Variants in DFFA observed in about 807,000 individuals in gnomAD.
DFFA encodes the protein DFF45.
DFFA carries 14 observed loss-of-function variants against 28.0 expected under a neutral mutation model. The observed-to-expected ratio is 0.50, with a 90% CI of 0.33 to 0.78. DFFA has a LOEUF of 0.78. Ranked by LOEUF, DFFA falls within the 30% of genes least tolerant of loss-of-function variation. DFFA has a pLI of 0.02. For missense variants in DFFA, 395 were observed against 407.1 expected, an observed-to-expected ratio of 0.97 and a Z score of 0.26; for synonymous variants, 158 against 170.3, an observed-to-expected ratio of 0.93 and a Z score of 0.56.
rs563729328 is a variant in DFFA at position 10,471,801 on chromosome 1, A to G, written c.136+522T>C. On this transcript the variant is annotated intron_variant, in intron 1 of 5. Coordinates refer to ENST00000377038, the MANE Select transcript of DFFA (RefSeq NM_004401.3). ...TGAGAGCTGGTTAAGTGCAAGGCCA[A>G]GCAGCTGGTAAAGGTATGGGGCCGG... Among the ~76,000 whole-genome samples, 4 of 152,336 alleles carry G rather than the reference A, an allele frequency of 2.6e-5. No individual in the cohort carries two copies. In the East Asian group the frequency reaches 7.7e-4, roughly 29 times the overall value.
In DFFA at chr1:10,472,050, G is replaced by A. The variant is rs1254146072; in HGVS notation, c.136+273C>T. Among the ~76,000 whole-genome samples the A allele has an allele frequency of 6.6e-6, 1 of 152,150 alleles. No individual in the cohort carries two copies. Among genetic ancestry groups the A allele is most frequent in the Non-Finnish European group, 1.5e-5 (1 of 68,040 alleles). On this transcript the variant is annotated intron_variant, in intron 1 of 5. Transcript: ENST00000377038. This position sits in a 1 kb window ranked among gnomAD's most constrained non-coding sequence, Gnocchi z 5.0. The stretch of plus-strand genomic sequence containing the variant: ...GGTCCGTTTGGTCCAACATCGAAGT[G>A]ATTTCAGGCAAGAGACCTAAGCCGA...
In DFFA at chr1:10,472,212, C is replaced by T. The variant is rs1641108035; in HGVS notation, c.136+111G>A. 1 of 1,351,462 alleles carries T rather than the reference C, an allele frequency of 7.4e-7. No homozygotes were observed. The allele number at this position is 1,351,462 out of a possible 1,614,324, so 83.7% of individuals were successfully genotyped here. A position where few individuals can be genotyped will look rare whatever the true frequency, so the allele number is the denominator to read the frequency against. ...GGACCGTTTCTGTCCCAAGCCTCCA[C>T]CCGAGATACAAGAATCCCCAAGTCG... On this transcript the variant is annotated intron_variant, in intron 1 of 5. Transcript: ENST00000377038. This position sits in a 1 kb window ranked among gnomAD's most constrained non-coding sequence, Gnocchi z 5.0.
In DFFA at chr1:10,459,267, T is replaced by G. The variant is rs886152596; in HGVS notation, c.*2223A>C. The G allele has an allele frequency of 6.6e-6, 1 of 152,226 alleles. No individual in the cohort carries two copies. The highest frequency in any genetic ancestry group is 1.5e-5 in the Non-Finnish European group (1 of 68,062). 9.4% of individuals were successfully genotyped at this position (152,226 alleles called of 1,614,324 possible). A position where few individuals can be genotyped will look rare whatever the true frequency, so the allele number is the denominator to read the frequency against. On this transcript the variant is annotated 3_prime_UTR_variant, in exon 6 of 6. Coordinates refer to ENST00000377038, the MANE Select transcript of DFFA (RefSeq NM_004401.3). Reference sequence around the variant, plus strand: ...ATAAGTCCATGATGACTCATCACCTTTTCCCTGCAAGGAGTGTACTGTAGA... The same window carrying G: ...ATAAGTCCATGATGACTCATCACCTGTTCCCTGCAAGGAGTGTACTGTAGA...
At position 10,458,436 on chromosome 1, in the gene DFFA, G is replaced by C. The variant is rs965830584; in HGVS notation, c.*3054C>G. On this transcript the variant is annotated 3_prime_UTR_variant, in exon 6 of 6. Transcript: ENST00000377038. ...ATTAGTAAAAGGATGCTGAGTAGAAGATCTAAGCCCTTCTTGAATCACAGG... is the reference window on the plus strand; with the variant it reads ...ATTAGTAAAAGGATGCTGAGTAGAACATCTAAGCCCTTCTTGAATCACAGG... 1 of 151,912 alleles carries C rather than the reference G, an allele frequency of 6.6e-6. No homozygotes were observed. The highest frequency in any genetic ancestry group is 1.5e-5 in the Non-Finnish European group (1 of 68,012). The allele number at this position is 151,912 out of a possible 1,614,324, so 9.4% of individuals were successfully genotyped here.
At chr1:10,462,303 T>G (rs918527013) in intron 5 of DFFA, 30 of 403,368 alleles carry the variant, frequency 7.4e-5, no homozygotes, top group African/African-American at 6.5e-4. Flanking sequence ...GGCTAATTTT[T>G]GTATTTTTAG....
At chr1:10,470,829 C>T (rs1198329946) in intron 1 of DFFA, among the ~76,000 whole-genome samples, 5 of 149,304 alleles carry the variant, frequency 3.3e-5, no homozygotes, top group South Asian at 4.2e-4. Flanking sequence ...TTTGGGAGGC[C>T]GAGGCGGGTG....
intron 5 of DFFA, 45 bp downstream of exon 5, chr1:10,463,013 G>A: frequency 6.2e-7 from 1 of 1,611,806 alleles, no homozygotes. Context: ...CTACATCCCA[G>A]GGCATGTCCT....
rs755323383 is a variant in DFFA at position 10,461,606 on chromosome 1, C to T, written c.880G>A (p.Ala294Thr). Residue 294 changes from alanine (A) to threonine (T), a missense_variant, in exon 6 of 6, where the codon GCC becomes ACC. Ala to Thr is a moderately conservative substitution (Grantham distance 58). Transcript: ENST00000377038. ...CTCTGCGTCTGCTGCAGGCGCAGGG[C>T]GAGCTCCCGCTCACAGGCCTCCTGA... ...TVQEACEREL[A>T]LRLQQTQSLH... 5.9e-5 allele frequency: 95 copies of T among 1,614,110 alleles called. No homozygotes were observed. The highest frequency in any genetic ancestry group is 1.8e-4 in the South Asian group (16 of 91,094).
At chr1:10,468,895 T>A (rs1174895436) in intron 2 of DFFA, among the ~76,000 whole-genome samples, 3 of 152,124 alleles carry the variant, frequency 2.0e-5, no homozygotes, top group Non-Finnish European at 1.5e-5. Context: ...CCTGCCACCA[T>A]GCTCAGCTAG....
chr1:10,463,530 C>G lies in DFFA; in HGVS notation c.532G>C (p.Val178Leu). The change falls in exon 4 of 6, where the codon GTG becomes CTG. Residue 178 changes from valine to leucine, a missense_variant. By Grantham distance (32) the Val-to-Leu change is conservative (BLOSUM62 1). Transcript: ENST00000377038. Reference sequence around the variant, plus strand: ...CGCACTTCCTCTCTTTGGTCAAGCACCTGTTGGAGTGTGTGCTGCAGCCGC... The same window carrying G: ...CGCACTTCCTCTCTTTGGTCAAGCAGCTGTTGGAGTGTGTGCTGCAGCCGC... ...VQRLQHTLQQ[V>L]LDQREEVRQS... 6.2e-7 allele frequency: 1 copy of G among 1,614,192 alleles called. No homozygotes were observed. The highest frequency in any genetic ancestry group is 8.5e-7 in the Non-Finnish European group (1 of 1,180,046).
chr1:10,469,268 TATGGTGCC>T lies in DFFA; in HGVS notation c.199_206del (p.Gly67SerfsTer3), dbSNP rs1319440484. 8 of 1,614,012 alleles carry T rather than the reference TATGGTGCC, an allele frequency of 5.0e-6. No individual in the cohort carries two copies. Among genetic ancestry groups the T allele is most frequent in the Non-Finnish European group, 6.8e-6 (8 of 1,179,968 alleles). On this transcript the variant is annotated frameshift_variant, in exon 2 of 6. Coordinates refer to ENST00000377038, the MANE Select transcript of DFFA (RefSeq NM_004401.3). LOFTEE classifies it high-confidence loss of function. ...ACAGAAAGTAATCGTCATCATCCAC[TATGGTGCC>T]ATCCTCTGCCAGGACCAGGGTGACT...
Position 10,463,449 on chromosome 1 carries a change from G to A in DFFA, c.613C>T (p.Leu205Phe). 3.1e-6 allele frequency: 5 copies of A among 1,613,406 alleles called. No homozygotes were observed. Among genetic ancestry groups the A allele is most frequent in the Non-Finnish European group, 3.4e-6 (4 of 1,179,804 alleles). Residue 205 changes from leucine to phenylalanine, a missense_variant, in exon 4 of 6, where the codon CTC (leucine) becomes TTC (phenylalanine). Transcript: ENST00000377038. Reference protein sequence around the residue: ...YLQALEKEGSLLSKQEESKAA... With the variant: ...YLQALEKEGSFLSKQEESKAA... ...GTCCTACCTTCCTGCTTTGACAAGAGGCTGCCCTCTTTCTCCAAAGCCTGG... is the reference window on the plus strand; with the variant it reads ...GTCCTACCTTCCTGCTTTGACAAGAAGCTGCCCTCTTTCTCCAAAGCCTGG...
Position 10,458,070 on chromosome 1 carries a change from A to G in DFFA, c.*3420T>C, listed in dbSNP as rs148702461. On this transcript the variant is annotated 3_prime_UTR_variant, in exon 6 of 6. Coordinates refer to ENST00000377038, the MANE Select transcript of DFFA (RefSeq NM_004401.3). ...AGGAATGTAGCTACTCTGTAAATCAAGGACAGACACGTTTACTGTTCTGGG... is the reference window on the plus strand; with the variant it reads ...AGGAATGTAGCTACTCTGTAAATCAGGGACAGACACGTTTACTGTTCTGGG... 24 of 152,296 alleles carry G rather than the reference A, an allele frequency of 1.6e-4. No individual in the cohort carries two copies. Among genetic ancestry groups the G allele is most frequent in the African/African-American group, 5.5e-4 (23 of 41,576 alleles). The allele number at this position is 152,296 out of a possible 1,614,324, so 9.4% of individuals were successfully genotyped here. A position where few individuals can be genotyped will look rare whatever the true frequency, so the allele number is the denominator to read the frequency against.
chr1:10,469,426 G>C, intron 1 of DFFA, 88 bp from the exon 2 acceptor site: 1 of 1,205,222 alleles, frequency 8.3e-7, no homozygotes, highest in Non-Finnish European at 1.2e-6. Flanking sequence ...TGGCTCCAGA[G>C]CTGAGCAGAA....
At chr1:10,469,682 G>C (rs191732443) in intron 1 of DFFA, among the ~76,000 whole-genome samples, 1 of 151,970 alleles carries the variant, frequency 6.6e-6, no homozygotes, top group Non-Finnish European at 1.5e-5. Flanking sequence ...CACCATGTCC[G>C]GCTAATTTTT....
At chr1:10,462,625 C>T (rs984483301) in intron 5 of DFFA, 1 of 1,014,116 alleles carries the variant, frequency 9.9e-7, no homozygotes, top group African/African-American at 1.7e-5. Flanking sequence ...CCCACCCAGG[C>T]AGGTTCCCTT....
chr1:10,460,385 T>G lies in DFFA; in HGVS notation c.*1105A>C, dbSNP rs1640911036. The G allele has an allele frequency of 6.9e-6, 1 of 145,220 alleles. No homozygotes were observed. Among genetic ancestry groups the G allele is most frequent in the African/African-American group, 2.6e-5 (1 of 38,808 alleles). The allele number at this position is 145,220 out of a possible 1,614,324, so 9.0% of individuals were successfully genotyped here. ...CTGGGATTACAGGCACCCGCCATCATGCCCAGCTAATTTTTGTATTTTTAG... is the reference window on the plus strand; with the variant it reads ...CTGGGATTACAGGCACCCGCCATCAGGCCCAGCTAATTTTTGTATTTTTAG... On this transcript the variant is annotated 3_prime_UTR_variant, in exon 6 of 6. Transcript: ENST00000377038.
At chr1:10,469,473 T>C (rs376883534) in intron 1 of DFFA, 135 bp from the exon 2 acceptor site, 1 of 707,018 alleles carries the variant, frequency 1.4e-6, no homozygotes, top group South Asian at 1.9e-5. Context: ...CAATCATCAC[T>C]TCTAGCACTA....
chr1:10,469,368 CAAAT>C (rs753373589), intron 1 of DFFA, 30 bp from the exon 2 acceptor site: 17 of 1,608,224 alleles, frequency 1.1e-5, no homozygotes, highest in African/African-American at 2.7e-5. Flanking sequence ...TGGCAAATGA[CAAAT>C]AACCGTAAGG....
Sources: allele counts gnomAD v4.1 joint callset (sites outside exome capture counted in the v4.1 genomes callset), GRCh38; gene constraint gnomAD v4.1.1; non-coding constraint Gnocchi (gnomAD v3.1); transcripts MANE v1.5; gene names NCBI Gene and HGNC (gene_info 2026-07-23, HGNC 2026-07-21).